RBFOX1: variants seen among roughly 807,000 people sequenced by gnomAD.
RBFOX1 encodes the protein RNA binding fox-1 homolog 1, also known as RNA binding protein fox-1 homolog 1.
In RBFOX1, 8 loss-of-function variants were observed where a neutral mutation model predicts 57.7. The observed-to-expected ratio is 0.14, with a 90% CI of 0.08 to 0.25. RBFOX1 has a LOEUF of 0.25. Among genes scored for constraint, RBFOX1 ranks in the 10% least tolerant of loss-of-function variants. The pLI is 1.00. For synonymous variants in RBFOX1, 326 were observed against 222.4 expected (o/e 1.47, Z -4.15); for missense variants, 611 against 548.5 (o/e 1.11, Z -1.14).
chr16:7,524,454 A>G (rs1486353872), intron 5 of RBFOX1, among the ~76,000 whole-genome samples: 4 of 152,224 alleles, frequency 2.6e-5, no homozygotes, highest in Admixed American at 2.6e-4. Context: ...ATACTGTATT[A>G]TGTTAGATAC....
At chr16:6,315,763 C>T (rs2081041374) in intron 1 of RBFOX1, among the ~76,000 whole-genome samples, 1 of 152,132 alleles carries the variant, frequency 6.6e-6, no homozygotes, top group Non-Finnish European at 1.5e-5. Flanking sequence ...TCTATCTATT[C>T]TTGGGTCTCT....
intron 1 of RBFOX1, among the ~76,000 whole-genome samples, chr16:6,161,250 A>T (rs2096876513): frequency 6.6e-6 from 1 of 152,032 alleles, no homozygotes. Context: ...TTAGCTTGGC[A>T]TGGTGGTGCA....
intron 1 of RBFOX1, among the ~76,000 whole-genome samples, chr16:6,113,898 G>A (rs773070487): frequency 2.0e-5 from 3 of 152,074 alleles, no homozygotes; most frequent in African/African-American, 4.8e-5. Context: ...TATCACCACC[G>A]GCATAATAAT....
intron 3 of RBFOX1, among the ~76,000 whole-genome samples, chr16:6,831,551 A>T (rs1182914105): frequency 6.6e-6 from 1 of 152,214 alleles, no homozygotes; most frequent in African/African-American, 2.4e-5. Flanking sequence ...ATTACATCTA[A>T]AGATGGGCAA....
At chr16:6,108,753 G>C (rs996452779) in intron 1 of RBFOX1, among the ~76,000 whole-genome samples, 1 of 152,068 alleles carries the variant, frequency 6.6e-6, no homozygotes, top group Non-Finnish European at 1.5e-5. Context: ...TCTGGTGGGT[G>C]CTGCCCTTGA....
intron 3 of RBFOX1, among the ~76,000 whole-genome samples, chr16:7,009,241 C>G (rs966804378): frequency 1.1e-4 from 14 of 127,288 alleles, no homozygotes; most frequent in Non-Finnish European, 2.1e-4. Flanking sequence ...TTCTTCTTGT[C>G]TACTTCCTCT....
At chr16:7,354,687 C>G (rs574517226) in intron 4 of RBFOX1, among the ~76,000 whole-genome samples, 166 of 152,246 alleles carry the variant, frequency 1.1e-3, no homozygotes, top group African/African-American at 3.7e-3. Context: ...AGATAGCACT[C>G]TCTGGAAACA....
intron 1 of RBFOX1, among the ~76,000 whole-genome samples, chr16:5,312,560 C>G (rs980472464): frequency 6.6e-6 from 1 of 152,164 alleles, no homozygotes; most frequent in Non-Finnish European, 1.5e-5. Flanking sequence ...CATGATCCAC[C>G]TGCCTCAGCC....
chr16:6,744,592 C>G (rs922842139), intron 3 of RBFOX1, among the ~76,000 whole-genome samples: 1 of 151,896 alleles, frequency 6.6e-6, no homozygotes, highest in Non-Finnish European at 1.5e-5. Context: ...TAATAAATAA[C>G]CTGTGGATCG....
chr16:6,116,745 C>G (rs1035425319), intron 1 of RBFOX1, among the ~76,000 whole-genome samples: 6 of 152,142 alleles, frequency 3.9e-5, no homozygotes, highest in African/African-American at 1.4e-4. Flanking sequence ...CATACCTCAG[C>G]TGATAGGGGA....
intron 5 of RBFOX1, among the ~76,000 whole-genome samples, chr16:7,567,505 G>GTATGGCCCTATATATATATATCCCTATA (rs1567867619): frequency 5.0e-4 from 23 of 45,950 alleles, no homozygotes; most frequent in African/African-American, 1.5e-3. Context: ...ATATCCCTAT[G>GTATGGCCCTATATATATATATCCCTATA]TATGGCCCTA....
chr16:7,709,969 T>G (rs1042440195), intron 15 of RBFOX1: 2 of 1,008,010 alleles, frequency 2.0e-6, no homozygotes, highest in Non-Finnish European at 2.4e-6. Flanking sequence ...TTCATTTGAA[T>G]TGCCAATACT....
intron 3 of RBFOX1, among the ~76,000 whole-genome samples, chr16:6,706,754 C>T (rs940033147): frequency 6.9e-6 from 1 of 144,858 alleles, no homozygotes; most frequent in Non-Finnish European, 1.5e-5. Context: ...GAGTTCCAAT[C>T]TTACAAGACA....
chr16:6,127,094 A>T (rs891696468), intron 1 of RBFOX1, among the ~76,000 whole-genome samples: 1 of 152,182 alleles, frequency 6.6e-6, no homozygotes, highest in Non-Finnish European at 1.5e-5. Flanking sequence ...TCTCAGAGGT[A>T]GCAGCAAGTG....
At chr16:6,487,139 G>A (rs1402663350) in intron 2 of RBFOX1, among the ~76,000 whole-genome samples, 2 of 117,532 alleles carry the variant, frequency 1.7e-5, no homozygotes, top group African/African-American at 3.9e-5. Flanking sequence ...TAAGTTGTGG[G>A]GTTTCTGTGT....
At chr16:7,527,144 C>T (rs185420708) in intron 5 of RBFOX1, among the ~76,000 whole-genome samples, 110 of 152,252 alleles carry the variant, frequency 7.2e-4, no homozygotes, top group African/African-American at 2.6e-3. Flanking sequence ...TGTGACTGAG[C>T]TGTTTTGTCA....
At chr16:7,505,528 C>T (rs930587197) in intron 4 of RBFOX1, among the ~76,000 whole-genome samples, 9 of 152,340 alleles carry the variant, frequency 5.9e-5, no homozygotes, top group African/African-American at 2.2e-4. Context: ...ATATCCAGGT[C>T]TCTGACTTGT....
chr16:6,095,610 C>G (rs1388315502), intron 1 of RBFOX1, among the ~76,000 whole-genome samples: 1 of 152,150 alleles, frequency 6.6e-6, no homozygotes, highest in East Asian at 1.9e-4. Flanking sequence ...CCTGATAAAG[C>G]CTCTGCCTGT....
At chr16:7,283,078 T>C (rs957531618) in intron 4 of RBFOX1, among the ~76,000 whole-genome samples, 1 of 152,188 alleles carries the variant, frequency 6.6e-6, no homozygotes, top group Non-Finnish European at 1.5e-5. Context: ...CAGGTATCTT[T>C]TTTGTATAAC....
Sources: allele counts gnomAD v4.1 joint callset (sites outside exome capture counted in the v4.1 genomes callset), GRCh38; gene constraint gnomAD v4.1.1; transcripts MANE v1.5; gene names NCBI Gene and HGNC (gene_info 2026-07-23, HGNC 2026-07-21).